The following SSRP1 variants were observed in gnomAD, a reference collection of about 807,000 sequenced individuals.
SSRP1 encodes the protein structure specific recognition protein 1, also known as FACT complex subunit SSRP1.
Under a neutral mutation model 84.4 loss-of-function variants are expected in SSRP1, and 21 were observed. That is an observed-to-expected ratio of 0.25 (90% CI 0.18 to 0.36). SSRP1 has a LOEUF of 0.36. SSRP1 is among the 10% of genes least tolerant of loss of function. The probability of loss-of-function intolerance (pLI) is 1.00; values close to 1 mark genes in which losing one functional copy is unlikely to be tolerated. For synonymous variants in SSRP1, 319 were observed against 318.3 expected (o/e 1.00, Z -0.02); for missense variants, 519 against 900.8 (o/e 0.58, Z 5.43).
Position 57,331,757 on chromosome 11 carries a change from G to A in SSRP1, c.1134C>T (p.Asn378=). The change falls in exon 9 of 17, where the codon AAC becomes AAT. Residue 378 remains asparagine, a synonymous_variant. Transcript: ENST00000278412. ...HIRFDEISFV[N]FARGTTTTRS... is the part of the protein sequence containing the mutation. ...GAGTAGTAGTGGTACCACGAGCAAA[G>A]TTGACAAAGGAGATCTCATCGAAGC... The A allele has an allele frequency of 6.2e-7, 1 of 1,614,226 alleles. No homozygotes were observed. The highest frequency in any genetic ancestry group is 8.5e-7 in the Non-Finnish European group (1 of 1,180,046).
rs1207538054 is a variant in SSRP1, at chr11:57,329,999, C to G, written c.1481+94G>C. On this transcript the variant is annotated intron_variant, in intron 12 of 16. Coordinates refer to ENST00000278412, the MANE Select transcript of SSRP1 (RefSeq NM_003146.3). ...TCACTCTCCCATTCTGGGTCAGTAG[C>G]TAATGCTGGGACCTGAGAAATGTCC... The G allele has an allele frequency of 6.0e-6, 9 of 1,491,806 alleles. No individual in the cohort carries two copies. The Admixed American group carries it at 1.5e-4, about 25-fold the overall frequency. 92.4% of individuals were successfully genotyped at this position (1,491,806 alleles called of 1,614,324 possible). A position where few individuals can be genotyped will look rare whatever the true frequency, so the allele number is the denominator to read the frequency against.
chr11:57,334,703 T>C, intron 2 of SSRP1, 55 bp from the exon 3 acceptor site: 1 of 1,582,092 alleles, frequency 6.3e-7, no homozygotes, highest in Non-Finnish European at 8.6e-7. Flanking sequence ...TGTCCTGGGT[T>C]CTACAGCTCT....
intron 3 of SSRP1, 114 bp downstream of exon 3, chr11:57,334,349 A>T: frequency 7.8e-7 from 1 of 1,279,866 alleles, no homozygotes; most frequent in Non-Finnish European, 1.1e-6. Flanking sequence ...GCCCTGCTCT[A>T]AGGAGCCCAA....
chr11:57,327,620 C>G (rs534722512), intron 14 of SSRP1, 92 bp downstream of exon 14: 2 of 1,600,402 alleles, frequency 1.2e-6, no homozygotes, highest in African/African-American at 2.7e-5. Flanking sequence ...ATGGCTCATA[C>G]TGCTCCCCTA....
chr11:57,335,187 G>T lies in SSRP1; in HGVS notation c.-66C>A. ...TGCACAAGGGAAACCAAGTAAACTG[G>T]GAGCTGGGCCCCAACTCCTGAGTGG... On this transcript the variant is annotated 5_prime_UTR_variant, in exon 2 of 17. Transcript: ENST00000278412. This position sits in a 1 kb window ranked among gnomAD's most constrained non-coding sequence, Gnocchi z 4.6. The T allele has an allele frequency of 1.9e-6, 3 of 1,582,714 alleles. No individual in the cohort carries two copies. The South Asian group carries it at 3.3e-5, about 18-fold the overall frequency.
chr11:57,326,636 C>T lies in SSRP1; in HGVS notation c.2058+67G>A, dbSNP rs536752901. On this transcript the variant is annotated intron_variant, in intron 16 of 16. Transcript: ENST00000278412. Reference sequence around the variant, plus strand: ...CACTCCAACTCATTACTCTTACAGACCAACCCCACACAGACACACATGCCC... The same window carrying T: ...CACTCCAACTCATTACTCTTACAGATCAACCCCACACAGACACACATGCCC... 1,682 of 1,587,786 alleles carry T rather than the reference C, an allele frequency of 1.1e-3. 1 individual carries two copies. Among genetic ancestry groups the T allele is most frequent in the Non-Finnish European group, 1.4e-3 (1,592 of 1,166,450 alleles).
chr11:57,327,295 G>A, intron 15 of SSRP1, 131 bp downstream of exon 15: 1 of 952,846 alleles, frequency 1.0e-6, no homozygotes. Flanking sequence ...ACCCAGGTTT[G>A]AGAAGCACTA....
rs1456549503 is a variant in SSRP1, at chr11:57,333,512, T to G, written c.269A>C (p.Lys90Thr). The change falls in exon 4 of 17, where the codon AAA (lysine) becomes ACA (threonine). Residue 90 changes from lysine to threonine, a missense_variant. Coordinates refer to ENST00000278412, the MANE Select transcript of SSRP1 (RefSeq NM_003146.3). ...SEFEKLSDFF[K>T]THYRLELMEK... The stretch of plus-strand genomic sequence containing the variant: ...CATTAGCTCAAGGCGATAGTGAGTT[T>G]TGAAGAAATCAGAGAGTTTCTCAAA... 1.2e-6 allele frequency: 2 copies of G among 1,613,974 alleles called. No individual in the cohort carries two copies. The highest frequency in any genetic ancestry group is 4.5e-5 in the East Asian group (2 of 44,884).
In SSRP1 at chr11:57,330,197, C is replaced by T. The variant is rs1456030880; in HGVS notation, c.1436-59G>A. Reference sequence around the variant, plus strand: ...CCCAATGGAAATCCCCCCACCTCACCCAGGCACCCAGCTCTGGCCCAAGGG... The same window carrying T: ...CCCAATGGAAATCCCCCCACCTCACTCAGGCACCCAGCTCTGGCCCAAGGG... On this transcript the variant is annotated intron_variant, in intron 11 of 16. Transcript: ENST00000278412. This position sits in a 1 kb window ranked among gnomAD's most constrained non-coding sequence, Gnocchi z 4.0. 1.2e-6 allele frequency: 2 copies of T among 1,614,170 alleles called. No homozygotes were observed. Among genetic ancestry groups the T allele is most frequent in the Non-Finnish European group, 1.7e-6 (2 of 1,180,018 alleles).
chr11:57,330,654 GCTC>G lies in SSRP1; in HGVS notation c.1296+198_1296+200del. 1 of 1,444,788 alleles carries G rather than the reference GCTC, an allele frequency of 6.9e-7. No individual in the cohort carries two copies. Among genetic ancestry groups the G allele is most frequent in the Non-Finnish European group, 9.0e-7 (1 of 1,105,362 alleles). 89.5% of individuals were successfully genotyped at this position (1,444,788 alleles called of 1,614,324 possible). ...CCTCCCTCTCCCAGCCCCACTGGGG[GCTC>G]CTGAGGGGCTGCATAGACTGGTCTA... On this transcript the variant is annotated intron_variant, in intron 10 of 16. Transcript: ENST00000278412. The surrounding 1 kb of genome is among the most constrained non-coding windows in gnomAD (Gnocchi z 4.0).
At chr11:57,327,618 TA>T (rs1856011553) in intron 14 of SSRP1, 93 bp downstream of exon 14, 4 of 1,602,744 alleles carry the variant, frequency 2.5e-6, no homozygotes, top group Non-Finnish European at 3.4e-6. Context: ...CAATGGCTCA[TA>T]CTGCTCCCCT....
chr11:57,326,676 C>G, intron 16 of SSRP1, 27 bp downstream of exon 16: 1 of 1,607,928 alleles, frequency 6.2e-7, no homozygotes, highest in Non-Finnish European at 8.5e-7. Context: ...CCCTGCCCAG[C>G]CCACAGGCCC....
At position 57,334,484 on chromosome 11, in the gene SSRP1, C is replaced by T; in HGVS notation, c.219G>A (p.Lys73=). The T allele has an allele frequency of 2.5e-6, 4 of 1,614,240 alleles. No homozygotes were observed. The highest frequency in any genetic ancestry group is 3.4e-6 in the Non-Finnish European group (4 of 1,180,036). Residue 73 remains lysine (K), a synonymous_variant, in exon 3 of 17, where the codon AAG becomes AAA. Coordinates refer to ENST00000278412, the MANE Select transcript of SSRP1 (RefSeq NM_003146.3). ...TCACCGATTCTCGGAAGCCATCATACTTGTAGACATGGCCATTCTTTGTAA... is the reference window on the plus strand; with the variant it reads ...TCACCGATTCTCGGAAGCCATCATATTTGTAGACATGGCCATTCTTTGTAA... ...KLLTKNGHVY[K]YDGFRESEFE...
At chr11:57,334,773 C>CT (rs2134394312) in intron 2 of SSRP1, 125 bp from the exon 3 acceptor site, 1 of 1,167,362 alleles carries the variant, frequency 8.6e-7, no homozygotes, top group South Asian at 1.4e-5. Context: ...GGAGCAACAG[C>CT]TGAGGGTGCC....
At position 57,330,897 on chromosome 11, in the gene SSRP1, G is replaced by A; in HGVS notation, c.1254C>T (p.Val418=). 1 of 1,614,170 alleles carries A rather than the reference G, an allele frequency of 6.2e-7. No individual in the cohort carries two copies. Among genetic ancestry groups the A allele is most frequent in the East Asian group, 2.2e-5 (1 of 44,886 alleles). The change falls in exon 10 of 17, where the codon GTC becomes GTT. Residue 418 remains valine, a synonymous_variant. Transcript: ENST00000278412. This position sits in a 1 kb window ranked among gnomAD's most constrained non-coding sequence, Gnocchi z 4.0. ...REEYGKLFDF[V]NAKKLNIKNR... Reference sequence around the variant, plus strand: ...TTTTGATGTTGAGCTTTTTCGCGTTGACAAAATCAAACAGTTTCCCGTACT... The same window carrying A: ...TTTTGATGTTGAGCTTTTTCGCGTTAACAAAATCAAACAGTTTCCCGTACT...
intron 16 of SSRP1, 87 bp downstream of exon 16, chr11:57,326,616 C>T: frequency 6.3e-7 from 1 of 1,583,880 alleles, no homozygotes; most frequent in Non-Finnish European, 8.6e-7. Flanking sequence ...CCATCCACTC[C>T]AACTCATTAC....
At chr11:57,333,926 C>T (rs569507662) in intron 3 of SSRP1, among the ~76,000 whole-genome samples, 2 of 152,308 alleles carry the variant, frequency 1.3e-5, no homozygotes, top group East Asian at 1.9e-4. Flanking sequence ...CCAAGGTGGG[C>T]GATCCCTTGA....
chr11:57,329,717 T>C (rs1248681436), intron 12 of SSRP1: 13 of 298,660 alleles, frequency 4.4e-5, no homozygotes, highest in Admixed American at 4.3e-4. Context: ...TTAACCAATT[T>C]AGCAGGGGTA....
At position 57,327,770 on chromosome 11, in the gene SSRP1, G is replaced by A. The variant is rs761799650; in HGVS notation, c.1724C>T (p.Thr575Met). ...IKSDHPGISI[T>M]DLSKKAGEIW... ...CTCGCCTGCCTTCTTGGAAAGATCC[G>A]TGATGCTGATGCCAGGATGGTCTGA... Residue 575 changes from threonine to methionine, a missense_variant, in exon 14 of 17, where the codon ACG becomes ATG. By Grantham distance (81) the Thr-to-Met change is moderately conservative (BLOSUM62 -1). Coordinates refer to ENST00000278412, the MANE Select transcript of SSRP1 (RefSeq NM_003146.3). 36 of 1,613,910 alleles carry A rather than the reference G, an allele frequency of 2.2e-5. No homozygotes were observed. In the South Asian group the frequency reaches 3.4e-4, roughly 15 times the overall value.
Sources: allele counts gnomAD v4.1 joint callset (sites outside exome capture counted in the v4.1 genomes callset), GRCh38; gene constraint gnomAD v4.1.1; non-coding constraint Gnocchi (gnomAD v3.1); transcripts MANE v1.5; gene names NCBI Gene and HGNC (gene_info 2026-07-23, HGNC 2026-07-21).